The following DIS3L2 variants were observed in gnomAD, a reference collection of about 807,000 sequenced individuals.
DIS3L2 encodes the protein DIS3 like 3'-5' exoribonuclease 2.
A neutral mutation model predicts 97.5 loss-of-function variants in DIS3L2; 34 were observed. That is an observed-to-expected ratio of 0.35 (90% CI 0.27 to 0.46). The LOEUF (loss-of-function observed/expected upper bound fraction) is 0.46. Ranked by LOEUF, DIS3L2 falls within the 20% of genes least tolerant of loss-of-function variation. The pLI is 1.00. For synonymous variants in DIS3L2, 435 were observed against 445.2 expected (o/e 0.98, Z 0.29); for missense variants, 1,038 against 1,146.0 (o/e 0.91, Z 1.36).
chr2:232,209,756 G>A (rs1692135373), intron 9 of DIS3L2, among the ~76,000 whole-genome samples: 1 of 152,190 alleles, frequency 6.6e-6, no homozygotes, highest in Admixed American at 6.5e-5. Context: ...AGAGTGTGAT[G>A]TTCGTAAGGA....
chr2:232,156,624 A>T (rs1254260313), intron 8 of DIS3L2, among the ~76,000 whole-genome samples: 2 of 151,842 alleles, frequency 1.3e-5, no homozygotes, highest in Admixed American at 6.6e-5. Flanking sequence ...TTTTTGTCTA[A>T]GTTTTTAGCC....
chr2:231,972,391 C>G (rs1340058313), intron 1 of DIS3L2, among the ~76,000 whole-genome samples: 1 of 152,086 alleles, frequency 6.6e-6, no homozygotes, highest in African/African-American at 2.4e-5. Context: ...AAACACATGA[C>G]TAGTGGGTTG....
chr2:232,042,849 C>T (rs184150587), intron 5 of DIS3L2, among the ~76,000 whole-genome samples: 23 of 152,204 alleles, frequency 1.5e-4, no homozygotes, highest in Admixed American at 3.9e-4. Flanking sequence ...TTCATTGTAA[C>T]GAAAGAGTTA....
chr2:232,017,261 G>T (rs1694381312), intron 3 of DIS3L2, among the ~76,000 whole-genome samples: 1 of 151,922 alleles, frequency 6.6e-6, no homozygotes, highest in Admixed American at 6.6e-5. Context: ...ATCATGCCTG[G>T]CTAATTTTTG....
chr2:232,045,670 C>CTTTTT (rs35019734), intron 5 of DIS3L2, among the ~76,000 whole-genome samples: 42 of 99,042 alleles, frequency 4.2e-4, no homozygotes, highest in Non-Finnish European at 5.6e-4. Flanking sequence ...AAAGGCCTCA[C>CTTTTT]TTTTTTTTTT....
intron 1 of DIS3L2, among the ~76,000 whole-genome samples, chr2:232,001,308 A>C (rs777154864): frequency 6.6e-6 from 1 of 152,104 alleles, no homozygotes; most frequent in South Asian, 2.1e-4. Flanking sequence ...ATGATTAGTG[A>C]TATTGAGCAT....
intron 14 of DIS3L2, among the ~76,000 whole-genome samples, 191 bp downstream of exon 14, chr2:232,300,310 T>G (rs1694822306): frequency 6.6e-6 from 1 of 152,204 alleles, no homozygotes; most frequent in African/African-American, 2.4e-5. Flanking sequence ...GTATAGAACT[T>G]GGAGCACTTG....
rs184974371 is a variant in DIS3L2 at position 232,287,882 on chromosome 2, A to G, written c.1660-12158A>G. Among the ~76,000 whole-genome samples, 22 of 152,350 alleles carry G rather than the reference A, an allele frequency of 1.4e-4. No individual in the cohort carries two copies. The South Asian group carries it at 1.5e-3, about 10-fold the overall frequency. On this transcript the variant is annotated intron_variant, in intron 13 of 20. Coordinates refer to ENST00000325385, the MANE Select transcript of DIS3L2 (RefSeq NM_152383.5). Reference sequence around the variant, plus strand: ...CATTCTGTAAAGAAATAGACTATCTAAGACACAACTAATTATCTTGGAATA... The same window carrying G: ...CATTCTGTAAAGAAATAGACTATCTGAGACACAACTAATTATCTTGGAATA...
At chr2:232,185,783 G>A (rs1383683716) in intron 9 of DIS3L2, among the ~76,000 whole-genome samples, 1 of 150,454 alleles carries the variant, frequency 6.6e-6, no homozygotes, top group Non-Finnish European at 1.5e-5. Context: ...CTGGGAGGTA[G>A]AGGTTGCAGT....
At chr2:232,100,149 G>A (rs575407850) in intron 6 of DIS3L2, among the ~76,000 whole-genome samples, 109 of 150,788 alleles carry the variant, frequency 7.2e-4, no homozygotes, top group Non-Finnish European at 1.3e-3. Flanking sequence ...TCAGCCTCCT[G>A]ACTAGCTGGG....
intron 1 of DIS3L2, among the ~76,000 whole-genome samples, chr2:232,004,495 G>A (rs540298965): frequency 7.3e-5 from 11 of 151,162 alleles, no homozygotes; most frequent in Admixed American, 4.6e-4. Context: ...CTCCTTGAGT[G>A]TTTATTCTTT....
At chr2:232,261,933 A>G (rs978606797) in intron 12 of DIS3L2, among the ~76,000 whole-genome samples, 3 of 152,182 alleles carry the variant, frequency 2.0e-5, no homozygotes, top group Non-Finnish European at 2.9e-5. Flanking sequence ...CCTACCTCAT[A>G]GCATTGTTAT....
chr2:232,052,306 G>A (rs1158154555), intron 5 of DIS3L2, among the ~76,000 whole-genome samples: 1 of 152,210 alleles, frequency 6.6e-6, no homozygotes, highest in East Asian at 1.9e-4. Flanking sequence ...TTACAGGCGT[G>A]AGCCACTGTG....
At chr2:232,055,111 A>G (rs1695508820) in intron 5 of DIS3L2, among the ~76,000 whole-genome samples, 1 of 152,226 alleles carries the variant, frequency 6.6e-6, no homozygotes, top group Non-Finnish European at 1.5e-5. Flanking sequence ...AAGGCTCCTT[A>G]CAAAAGCCGA....
At chr2:232,063,422 C>T (rs1245661486) in intron 5 of DIS3L2, among the ~76,000 whole-genome samples, 1 of 152,112 alleles carries the variant, frequency 6.6e-6, no homozygotes, top group African/African-American at 2.4e-5. Flanking sequence ...AAGGTACATA[C>T]GAATGACATT....
chr2:231,986,811 C>T (rs1344174843), intron 1 of DIS3L2, among the ~76,000 whole-genome samples: 1 of 152,184 alleles, frequency 6.6e-6, no homozygotes, highest in Non-Finnish European at 1.5e-5. Flanking sequence ...TTTCATTAAT[C>T]TTTTAGCCTG....
exon 14 of DIS3L2, chr2:232,343,668 C>G: frequency 1.5e-6 from 2 of 1,365,546 alleles, no homozygotes; most frequent in Non-Finnish European, 2.0e-6. Context: ...TCTAAAAGGT[C>G]CAGTAGAAAA....
At chr2:232,086,361 GTATATGTATA>G (rs1696615728) in intron 5 of DIS3L2, among the ~76,000 whole-genome samples, 1 of 7,366 alleles carries the variant, frequency 1.4e-4, no homozygotes, top group African/African-American at 1.4e-3. Context: ...ATATATATGT[GTATATGTATA>G]TGTATATGTA....
intron 13 of DIS3L2, among the ~76,000 whole-genome samples, chr2:232,279,962 C>G (rs1272134458): frequency 6.6e-6 from 1 of 152,126 alleles, no homozygotes; most frequent in African/African-American, 2.4e-5. Context: ...CTTTTCCTGT[C>G]TTTTGAAAAG....
Sources: gnomAD v4.1 joint callset for allele counts (sites outside exome capture counted in the v4.1 genomes callset) on GRCh38, gnomAD v4.1.1 for gene constraint, MANE v1.5 for transcripts, NCBI Gene and HGNC (gene_info 2026-07-23, HGNC 2026-07-21) for gene names.